The following GCKR variants were observed in gnomAD, a reference collection of about 807,000 sequenced individuals.
GCKR encodes glucokinase regulatory protein.
Under a neutral mutation model 82.9 loss-of-function variants are expected in GCKR, and 73 were observed. The ratio of observed to expected loss-of-function variants is 0.88; its 90% CI spans 0.73 to 1.07. The LOEUF (loss-of-function observed/expected upper bound fraction) is 1.07, where lower values mean the gene tolerates loss of function less well. Among genes scored for constraint, GCKR ranks in the 50% least tolerant of loss-of-function variants. The probability of loss-of-function intolerance (pLI) is 0.00; values close to 1 mark genes in which losing one functional copy is unlikely to be tolerated. For missense variants in GCKR, 784 were observed against 782.1 expected (o/e 1.00, Z -0.03); for synonymous variants, 294 against 291.8 (o/e 1.01, Z -0.08).
chr2:27,505,150 A>C (rs1275103586), intron 9 of GCKR, among the ~76,000 whole-genome samples: 1 of 125,356 alleles, frequency 8.0e-6, no homozygotes, highest in Non-Finnish European at 1.7e-5. Flanking sequence ...AAAAAAAAGC[A>C]CTTTGGGAGG....
chr2:27,516,261 A>G (rs1458366629), intron 16 of GCKR, among the ~76,000 whole-genome samples: 2 of 145,346 alleles, frequency 1.4e-5, no homozygotes, highest in East Asian at 2.0e-4. Flanking sequence ...TTGGTATCCA[A>G]TAGGGTTTGT....
chr2:27,505,755 G>T lies in GCKR; in HGVS notation c.788G>T (p.Gly263Val). 1 of 1,612,628 alleles carries T rather than the reference G, an allele frequency of 6.2e-7. No individual in the cohort carries two copies. Among genetic ancestry groups the T allele is most frequent in the East Asian group, 2.2e-5 (1 of 44,860 alleles). ...GLSGSSRMKG[G>V]SATKILLETL... ...AGCGGCTCCTCCCGGATGAAAGGTGGAAGTGCCACCAAGATTCTGCTGGAA... is the reference window on the plus strand; with the variant it reads ...AGCGGCTCCTCCCGGATGAAAGGTGTAAGTGCCACCAAGATTCTGCTGGAA... The change falls in exon 10 of 19, where the codon GGA becomes GTA. Residue 263 changes from glycine to valine, a missense_variant. By Grantham distance (109) the Gly-to-Val change is moderately radical. Transcript: ENST00000264717.
chr2:27,499,332 C>A, intron 6 of GCKR, 65 bp from the exon 7 acceptor site: 1 of 1,408,910 alleles, frequency 7.1e-7, no homozygotes, highest in Non-Finnish European at 1.0e-6. Flanking sequence ...CTGATATCCT[C>A]ACACAGTAGA....
At chr2:27,520,266 G>A (rs999373923) in intron 17 of GCKR, among the ~76,000 whole-genome samples, 2 of 152,062 alleles carry the variant, frequency 1.3e-5, no homozygotes, top group Non-Finnish European at 2.9e-5. Context: ...AAGAAGGTGG[G>A]GGTCAGAATG....
intron 7 of GCKR, among the ~76,000 whole-genome samples, chr2:27,500,707 A>G (rs776509001): frequency 6.6e-6 from 1 of 152,192 alleles, no homozygotes; most frequent in African/African-American, 2.4e-5. Context: ...CCTACTGAGC[A>G]TTTTAACAAG....
At chr2:27,497,067 T>C in intron 1 of GCKR, 103 bp downstream of exon 1, 1 of 1,226,354 alleles carries the variant, frequency 8.2e-7, no homozygotes, top group South Asian at 1.2e-5. Flanking sequence ...TCTTCCTTCC[T>C]GATGTTCTTT....
At position 27,507,325 on chromosome 2, in the gene GCKR, A is replaced by G; in HGVS notation, c.1143+14A>G. 1 of 1,562,352 alleles carries G rather than the reference A, an allele frequency of 6.4e-7. No individual in the cohort carries two copies. Among genetic ancestry groups the G allele is most frequent in the Admixed American group, 1.7e-5 (1 of 59,970 alleles). ...CTCACCAACCAGGTCGGAGAAGAAC[A>G]GGACTTGGGGAAGCTGGGGAGACCA... On this transcript the variant is annotated intron_variant, in intron 13 of 18. Coordinates refer to ENST00000264717, the MANE Select transcript of GCKR (RefSeq NM_001486.4).
chr2:27,511,770 G>GTTTT (rs530303601), intron 16 of GCKR, among the ~76,000 whole-genome samples: 111 of 152,030 alleles, frequency 7.3e-4, no homozygotes, highest in African/African-American at 2.7e-3. Context: ...GTTTTGTTTT[G>GTTTT]TTTTCTTTTT....
At chr2:27,512,235 C>CAACAAAAAAA (rs1669902199) in intron 16 of GCKR, among the ~76,000 whole-genome samples, 1 of 46,224 alleles carries the variant, frequency 2.2e-5, no homozygotes, top group Non-Finnish European at 3.7e-5. Context: ...GACTCCATCT[C>CAACAAAAAAA]AAAAAAAAAA....
chr2:27,507,916 G>A (rs1177361224), intron 14 of GCKR, 61 bp from the exon 15 acceptor site: 10 of 1,280,380 alleles, frequency 7.8e-6, no homozygotes, highest in Non-Finnish European at 1.1e-5. Context: ...CCCAGCCAGG[G>A]GAGCAGGAGG....
At position 27,499,181 on chromosome 2, in the gene GCKR, C is replaced by G. The variant is rs1003714969; in HGVS notation, c.468C>G (p.Ala156=). 2 of 1,611,592 alleles carry G rather than the reference C, an allele frequency of 1.2e-6. No homozygotes were observed. The highest frequency in any genetic ancestry group is 1.7e-4 in the Middle Eastern group (1 of 5,924). ...VASREGTEDS[A]LHGIEELKKV... Reference sequence around the variant, plus strand: ...CTAGGGAGGGGACAGAAGATAGTGCCTTGCACGGGATTGAGGAACTGAAGA... The same window carrying G: ...CTAGGGAGGGGACAGAAGATAGTGCGTTGCACGGGATTGAGGAACTGAAGA... The change falls in exon 6 of 19, where the codon GCC becomes GCG. Residue 156 remains alanine (A), a synonymous_variant. Transcript: ENST00000264717.
At chr2:27,500,518 G>C (rs1192309017) in intron 7 of GCKR, among the ~76,000 whole-genome samples, 1 of 152,212 alleles carries the variant, frequency 6.6e-6, no homozygotes, top group African/African-American at 2.4e-5. Flanking sequence ...CCATAGGGTT[G>C]AGTAGTTGGA....
chr2:27,518,975 C>A, intron 17 of GCKR, 38 bp downstream of exon 17: 3 of 1,569,202 alleles, frequency 1.9e-6, no homozygotes, highest in Non-Finnish European at 2.6e-6. Flanking sequence ...TGGGACCTGG[C>A]CTCAATGCTT....
At chr2:27,520,295 G>A (rs8179247) in intron 17 of GCKR, among the ~76,000 whole-genome samples, 2 of 152,078 alleles carry the variant, frequency 1.3e-5, no homozygotes, top group East Asian at 1.9e-4. Flanking sequence ...CAAAAAGAAG[G>A]CCTCATGGAA....
intron 16 of GCKR, among the ~76,000 whole-genome samples, chr2:27,510,184 A>C (rs1218927331): frequency 6.6e-6 from 1 of 151,332 alleles, no homozygotes; most frequent in Non-Finnish European, 1.5e-5. Flanking sequence ...AATTTTTTGT[A>C]TTTTTTAGTA....
At chr2:27,511,581 C>A (rs1202412625) in intron 16 of GCKR, among the ~76,000 whole-genome samples, 1 of 151,810 alleles carries the variant, frequency 6.6e-6, no homozygotes, top group Non-Finnish European at 1.5e-5. Context: ...TGCCTGTAAT[C>A]CCAGCTAGTC....
At chr2:27,516,502 C>T (rs937405761) in intron 16 of GCKR, among the ~76,000 whole-genome samples, 3 of 149,766 alleles carry the variant, frequency 2.0e-5, no homozygotes, top group African/African-American at 5.0e-5. Flanking sequence ...ACCCTGTTGG[C>T]CAGGCTGGTC....
In GCKR at chr2:27,519,993, C is replaced by T. The variant is rs8179240; in HGVS notation, c.1572+1056C>T. Among the ~76,000 whole-genome samples, 38 of 151,304 alleles carry T rather than the reference C, an allele frequency of 2.5e-4. No individual in the cohort carries two copies. In the East Asian group the frequency reaches 7.0e-3, roughly 28 times the overall value. ...CAACAGATGGTCATGAAAATGGGGT[C>T]GCCAGATTCGGCAAATAAAAATACA... On this transcript the variant is annotated intron_variant, in intron 17 of 18. Coordinates refer to ENST00000264717, the MANE Select transcript of GCKR (RefSeq NM_001486.4).
At chr2:27,499,831 C>T in intron 7 of GCKR, among the ~76,000 whole-genome samples, 1 of 151,244 alleles carries the variant, frequency 6.6e-6, no homozygotes, top group Non-Finnish European at 1.5e-5. Flanking sequence ...GATTTCGGCT[C>T]ACTGTAAACT....
Sources: allele counts gnomAD v4.1 joint callset (sites outside exome capture counted in the v4.1 genomes callset), GRCh38; gene constraint gnomAD v4.1.1; transcripts MANE v1.5; gene names NCBI Gene and HGNC (gene_info 2026-07-23, HGNC 2026-07-21).